GOLM1: variants seen among roughly 807,000 people sequenced by gnomAD.
The protein encoded by GOLM1 is golgi membrane protein 1.
In GOLM1, 31 loss-of-function variants were observed where a neutral mutation model predicts 50.5. The observed-to-expected ratio is 0.61, with a 90% confidence interval of 0.46 to 0.83. The LOEUF (loss-of-function observed/expected upper bound fraction) is 0.83, where lower values mean the gene tolerates loss of function less well. Ranked by LOEUF, GOLM1 falls within the 40% of genes least tolerant of loss-of-function variation. The pLI is 0.00. For synonymous variants in GOLM1, 178 were observed against 192.8 expected, an observed-to-expected ratio of 0.92 and a Z score of 0.64; for missense variants, 491 against 501.3, an observed-to-expected ratio of 0.98 and a Z score of 0.20.
At position 86,026,441 on chromosome 9, in the gene GOLM1, CCTGTAGTCCCAGCTACTCGGGAGT is replaced by C. The variant is rs1427687188; in HGVS notation, c.*1352_*1375del. On this transcript the variant is annotated 3_prime_UTR_variant, in exon 10 of 10. Coordinates refer to ENST00000388712, the MANE Select transcript of GOLM1 (RefSeq NM_016548.4). ...CAGGGCCTGCTTCAGTGACTGTGTG[CCTGTAGTCCCAGCTACTCGGGAGT>C]CTGTGTGAGGCCAGGGGTGCCAGCG... 1.0e-6 allele frequency: 1 copy of C among 983,924 alleles called. No individual in the cohort carries two copies. Among genetic ancestry groups the C allele is most frequent in the Non-Finnish European group, 1.2e-6 (1 of 828,772 alleles). 60.9% of individuals were successfully genotyped at this position (983,924 alleles called of 1,614,324 possible).
At chr9:86,081,189 C>T (rs1267130286) in intron 1 of GOLM1, among the ~76,000 whole-genome samples, 1 of 143,854 alleles carries the variant, frequency 7.0e-6, no homozygotes, top group East Asian at 2.0e-4. Context: ...CACCCAGCCT[C>T]AATGATTTTT....
intron 1 of GOLM1, among the ~76,000 whole-genome samples, chr9:86,099,179 G>T (rs572617930): frequency 8.5e-4 from 128 of 151,300 alleles, no homozygotes; most frequent in Non-Finnish European, 1.2e-3. Flanking sequence ...CCGCGCGCCC[G>T]GTCTTGGGGA....
chr9:86,078,537 T>C (rs1324798092), intron 2 of GOLM1, among the ~76,000 whole-genome samples: 1 of 152,068 alleles, frequency 6.6e-6, no homozygotes, highest in Non-Finnish European at 1.5e-5. Context: ...GGTAGAAGGA[T>C]GGCTTAGCGG....
chr9:86,038,461 A>G (rs1383500806), intron 6 of GOLM1, among the ~76,000 whole-genome samples: 1 of 151,982 alleles, frequency 6.6e-6, no homozygotes, highest in Admixed American at 6.6e-5. Context: ...GAAACACCCA[A>G]CTCCAGTAAG....
At chr9:86,077,757 G>T (rs1180975734) in intron 2 of GOLM1, 166 bp from the exon 3 acceptor site, 7 of 575,038 alleles carry the variant, frequency 1.2e-5, no homozygotes, top group Non-Finnish European at 2.2e-5. Flanking sequence ...AGCTGGAGCG[G>T]TTTCTTCTGG....
At chr9:86,054,773 G>GA (rs975809241) in intron 3 of GOLM1, among the ~76,000 whole-genome samples, 2 of 152,118 alleles carry the variant, frequency 1.3e-5, no homozygotes, top group African/African-American at 2.4e-5. Context: ...ACAAAAGCCT[G>GA]AAAAAAGCAG....
intron 1 of GOLM1, among the ~76,000 whole-genome samples, chr9:86,090,901 G>T (rs986867195): frequency 6.6e-6 from 1 of 152,048 alleles, no homozygotes. Context: ...GCACCTGAGG[G>T]TATCTCCTGG....
At chr9:86,082,229 C>T (rs1834805818) in intron 1 of GOLM1, among the ~76,000 whole-genome samples, 1 of 151,290 alleles carries the variant, frequency 6.6e-6, no homozygotes. Context: ...GAAGTTCCCC[C>T]ATTAGCCAGG....
chr9:86,051,106 T>G (rs558125113), intron 4 of GOLM1, among the ~76,000 whole-genome samples: 8 of 152,036 alleles, frequency 5.3e-5, no homozygotes, highest in African/African-American at 1.9e-4. Flanking sequence ...TATTTCTGCC[T>G]TCATTTAGTT....
At chr9:86,088,431 T>TGC in intron 1 of GOLM1, among the ~76,000 whole-genome samples, 1 of 114,814 alleles carries the variant, frequency 8.7e-6, no homozygotes, top group African/African-American at 3.6e-5. Context: ...TATATATATA[T>TGC]ATATATATAT....
chr9:86,031,925 C>CA (rs1043805404), intron 9 of GOLM1, among the ~76,000 whole-genome samples: 4,877 of 35,576 alleles, frequency 0.14, 497 homozygotes, highest in Non-Finnish European at 0.18. Flanking sequence ...GACTCCATCT[C>CA]AAAAAAAAAA....
At chr9:86,098,750 T>C (rs1835428895) in intron 1 of GOLM1, among the ~76,000 whole-genome samples, 1 of 152,260 alleles carries the variant, frequency 6.6e-6, no homozygotes, top group Admixed American at 6.5e-5. Context: ...GGCAAAGTTG[T>C]GTGGATCCTC....
At chr9:86,084,066 C>T (rs1643642132) in intron 1 of GOLM1, among the ~76,000 whole-genome samples, 1 of 152,102 alleles carries the variant, frequency 6.6e-6, no homozygotes, top group African/African-American at 2.4e-5. Context: ...TCCTGAGTTC[C>T]AAACCTAGCT....
rs1215301702 is a variant in GOLM1, at chr9:86,045,693, T to TAC, written c.467+776_467+777insGT. Among the ~76,000 whole-genome samples the TAC allele has an allele frequency of 1.6e-4, 23 of 148,158 alleles. No homozygotes were observed. In the South Asian group the frequency reaches 2.1e-3, roughly 14 times the overall value. ...GCTCAAGAAAAAAAAAAAAAAAGTATATACACACACACACACACACACGTA... is the reference window on the plus strand; with the variant it reads ...GCTCAAGAAAAAAAAAAAAAAAGTATACATACACACACACACACACACACGTA... On this transcript the variant is annotated intron_variant, in intron 5 of 9. Coordinates refer to ENST00000388712, the MANE Select transcript of GOLM1 (RefSeq NM_016548.4).
intron 1 of GOLM1, among the ~76,000 whole-genome samples, chr9:86,080,332 G>A (rs186527902): frequency 1.0e-3 from 155 of 152,294 alleles, no homozygotes; most frequent in African/African-American, 3.5e-3. Context: ...CTAGGAACAA[G>A]GAAAGTAGAC....
At chr9:86,070,662 C>G (rs1304010077) in intron 3 of GOLM1, among the ~76,000 whole-genome samples, 1 of 152,088 alleles carries the variant, frequency 6.6e-6, no homozygotes, top group Non-Finnish European at 1.5e-5. Flanking sequence ...GCTAAGGACA[C>G]AGGGCCCCAG....
chr9:86,065,823 C>T (rs761683534), intron 3 of GOLM1, among the ~76,000 whole-genome samples: 5 of 152,212 alleles, frequency 3.3e-5, no homozygotes, highest in South Asian at 2.1e-4. Flanking sequence ...GGGTAGATCA[C>T]GAGGTCAGAA....
intron 9 of GOLM1, among the ~76,000 whole-genome samples, chr9:86,028,295 A>G (rs1832849405): frequency 6.6e-6 from 1 of 152,218 alleles, no homozygotes; most frequent in African/African-American, 2.4e-5. Context: ...GTCAAGAGGA[A>G]CACACTGGCA....
chr9:86,052,410 C>A, intron 4 of GOLM1, 127 bp downstream of exon 4: 2 of 766,532 alleles, frequency 2.6e-6, no homozygotes, highest in Admixed American at 2.1e-5. Flanking sequence ...ATAAAGATTG[C>A]TCAATGACTC....
Sources: allele counts gnomAD v4.1 joint callset (sites outside exome capture counted in the v4.1 genomes callset), GRCh38; gene constraint gnomAD v4.1.1; transcripts MANE v1.5; gene names NCBI Gene and HGNC (gene_info 2026-07-23, HGNC 2026-07-21).